Variants in CDS1 observed in about 807,000 individuals in gnomAD.
CDS1 encodes CDP-diacylglycerol synthase 1.
CDS1 carries 41 observed loss-of-function variants against 62.1 expected under a neutral mutation model. The ratio of observed to expected loss-of-function variants is 0.66; its 90% confidence interval spans 0.51 to 0.86. CDS1 has a LOEUF of 0.86. CDS1 is among the 40% of genes least tolerant of loss of function. CDS1 has a pLI of 0.00. For missense variants in CDS1, 470 were observed against 550.1 expected (o/e 0.85, Z 1.46); for synonymous variants, 185 against 192.6 (o/e 0.96, Z 0.32).
chr4:84,601,034 G>A (rs1159905347), intron 1 of CDS1, among the ~76,000 whole-genome samples: 2 of 151,904 alleles, frequency 1.3e-5, no homozygotes, highest in African/African-American at 2.4e-5. Flanking sequence ...TTAGCCAGGT[G>A]CGGTGGTGCA....
At chr4:84,622,992 A>T (rs1415213527) in intron 5 of CDS1, among the ~76,000 whole-genome samples, 1 of 152,130 alleles carries the variant, frequency 6.6e-6, no homozygotes, top group East Asian at 1.9e-4. Flanking sequence ...CATATTTGCT[A>T]ATTTCAGTGT....
At chr4:84,623,778 G>A (rs1016411996) in intron 5 of CDS1, among the ~76,000 whole-genome samples, 4 of 152,122 alleles carry the variant, frequency 2.6e-5, no homozygotes, top group East Asian at 1.9e-4. Context: ...GGCCTCTCAC[G>A]TGGTTGCCAT....
At chr4:84,587,049 A>C (rs1244418879) in intron 1 of CDS1, among the ~76,000 whole-genome samples, 1 of 152,194 alleles carries the variant, frequency 6.6e-6, no homozygotes, top group African/African-American at 2.4e-5. Flanking sequence ...CTTTTCCTTA[A>C]GAAAAGAAAG....
chr4:84,641,502 A>G (rs948998088), intron 10 of CDS1, among the ~76,000 whole-genome samples: 1 of 152,232 alleles, frequency 6.6e-6, no homozygotes, highest in Non-Finnish European at 1.5e-5. Context: ...CGGGTTACAA[A>G]TCAAATGGAT....
At chr4:84,611,742 A>G (rs1015257487) in intron 3 of CDS1, among the ~76,000 whole-genome samples, 11 of 152,222 alleles carry the variant, frequency 7.2e-5, no homozygotes, top group Non-Finnish European at 1.6e-4. Context: ...TCACAAAGGA[A>G]AAATGGATAA....
rs1308575402 is a variant in CDS1, at chr4:84,595,373, T to G, written c.118-8870T>G. Among the ~76,000 whole-genome samples, 3 of 152,258 alleles carry G rather than the reference T, an allele frequency of 2.0e-5. No homozygotes were observed. The East Asian group carries it at 5.8e-4, about 29-fold the overall frequency. ...GTTTGTTCAGTCAGCTGGGGGGGCTTGGGCTTTTATTTTTATTTCTCAATT... is the reference window on the plus strand; with the variant it reads ...GTTTGTTCAGTCAGCTGGGGGGGCTGGGGCTTTTATTTTTATTTCTCAATT... On this transcript the variant is annotated intron_variant, in intron 1 of 12. Coordinates refer to ENST00000295887, the MANE Select transcript of CDS1 (RefSeq NM_001263.4).
chr4:84,640,874 T>A lies in CDS1; in HGVS notation c.916T>A (p.Cys306Ser), dbSNP rs1170182188. 6.2e-7 allele frequency: 1 copy of A among 1,605,450 alleles called. No homozygotes were observed. Among genetic ancestry groups the A allele is most frequent in the Admixed American group, 1.7e-5 (1 of 58,046 alleles). Residue 306 changes from cysteine (C) to serine (S), a missense_variant, in exon 10 of 13, where the codon TGC becomes AGC. Cys to Ser is a moderately radical substitution (Grantham distance 112). This residue lies in a region of CDS1 where 214 missense variants were observed against 242.4 expected (regional missense o/e 0.88). Transcript: ENST00000295887. Reference protein sequence around the residue: ...YVLSKYQYFVCPVEYRSDVNS... With the variant: ...YVLSKYQYFVSPVEYRSDVNS... The stretch of plus-strand genomic sequence containing the variant: ...GTTATCCAAATACCAGTACTTTGTC[T>A]GCCCAGTGGAATACCGAAGTGATGT...
In CDS1 at chr4:84,635,288, T is replaced by TA. The variant is rs1203191011; in HGVS notation, c.748dup (p.Ile250AsnfsTer4). 6.3e-7 allele frequency: 1 copy of TA among 1,577,654 alleles called. No individual in the cohort carries two copies. The highest frequency in any genetic ancestry group is 8.6e-7 in the Non-Finnish European group (1 of 1,159,206). ...GGTTCCTTGTTCCAATATCAAGTGT[T>TA]ATCTGCAATGACATAACTGCTTACC... is the stretch of plus-strand genomic sequence containing the variant. On this transcript the variant is annotated frameshift_variant, in exon 8 of 13. Coordinates refer to ENST00000295887, the MANE Select transcript of CDS1 (RefSeq NM_001263.4). LOFTEE classifies it high-confidence loss of function.
chr4:84,597,517 T>C (rs1722787774), intron 1 of CDS1, among the ~76,000 whole-genome samples: 1 of 151,990 alleles, frequency 6.6e-6, no homozygotes, highest in South Asian at 2.1e-4. Flanking sequence ...GCCCCACCTG[T>C]AGTCCCAGCT....
chr4:84,637,380 A>G (rs1578051457), intron 8 of CDS1, among the ~76,000 whole-genome samples: 1 of 152,084 alleles, frequency 6.6e-6, no homozygotes, highest in Admixed American at 6.6e-5. Context: ...ATGGCTGGGG[A>G]GGCCTCAGGA....
chr4:84,632,564 ATTG>A (rs1724056658), intron 6 of CDS1, among the ~76,000 whole-genome samples: 2 of 152,128 alleles, frequency 1.3e-5, no homozygotes, highest in African/African-American at 4.8e-5. Flanking sequence ...TTGCTGGGAA[ATTG>A]TTGTGTTTCT....
intron 12 of CDS1, among the ~76,000 whole-genome samples, chr4:84,647,351 T>C (rs1724586492): frequency 6.6e-6 from 1 of 152,136 alleles, no homozygotes; most frequent in Non-Finnish European, 1.5e-5. Flanking sequence ...TTTAGGGCAT[T>C]AACTCATATG....
At position 84,640,861 on chromosome 4, in the gene CDS1, C is replaced by T. The variant is rs1724358959; in HGVS notation, c.903C>T (p.Tyr301=). 6.3e-7 allele frequency: 1 copy of T among 1,599,520 alleles called. No individual in the cohort carries two copies. The highest frequency in any genetic ancestry group is 1.3e-5 in the African/African-American group (1 of 74,144). The change falls in exon 10 of 13, where the codon TAC becomes TAT. Residue 301 remains tyrosine (Y), a synonymous_variant. Coordinates refer to ENST00000295887, the MANE Select transcript of CDS1 (RefSeq NM_001263.4). ...AGGCTGCCTATGTGTTATCCAAATACCAGTACTTTGTCTGCCCAGTGGAAT... is the reference window on the plus strand; with the variant it reads ...AGGCTGCCTATGTGTTATCCAAATATCAGTACTTTGTCTGCCCAGTGGAAT... ...GFIAAYVLSK[Y]QYFVCPVEYR... is the part of the protein sequence containing the mutation.
At chr4:84,595,343 A>G (rs1367859841) in intron 1 of CDS1, among the ~76,000 whole-genome samples, 2 of 152,130 alleles carry the variant, frequency 1.3e-5, no homozygotes, top group African/African-American at 4.8e-5. Flanking sequence ...TTTGGCCAAG[A>G]AGGGGTTTGT....
At chr4:84,590,184 A>G (rs1173524449) in intron 1 of CDS1, among the ~76,000 whole-genome samples, 6 of 152,216 alleles carry the variant, frequency 3.9e-5, no homozygotes, top group Admixed American at 2.0e-4. Context: ...TGGGGTTAGT[A>G]GATAAGCCAG....
intron 1 of CDS1, among the ~76,000 whole-genome samples, chr4:84,595,842 A>T (rs1027339350): frequency 2.0e-5 from 3 of 152,146 alleles, no homozygotes; most frequent in Admixed American, 2.0e-4. Flanking sequence ...CTTTATTCTT[A>T]ATTTGGAATT....
chr4:84,625,696 C>A (rs1323970778), intron 5 of CDS1, among the ~76,000 whole-genome samples: 1 of 151,800 alleles, frequency 6.6e-6, no homozygotes, highest in Non-Finnish European at 1.5e-5. Context: ...GACTTTATAT[C>A]TGGGAAAACA....
rs1321074726 is a variant in CDS1 at position 84,601,094 on chromosome 4, G to T, written c.118-3149G>T. On this transcript the variant is annotated intron_variant, in intron 1 of 12. Coordinates refer to ENST00000295887, the MANE Select transcript of CDS1 (RefSeq NM_001263.4). ...AGGCTGAGGTGGGAGGATGGCTTGAGCCCAGGAGTCTGAGGTTGCCATGAG... is the reference window on the plus strand; with the variant it reads ...AGGCTGAGGTGGGAGGATGGCTTGATCCCAGGAGTCTGAGGTTGCCATGAG... 2.7e-5 allele frequency among the ~76,000 whole-genome samples: 4 copies of T among 146,642 alleles called. No individual in the cohort carries two copies. In the South Asian group the frequency reaches 9.0e-4, roughly 33 times the overall value.
chr4:84,585,617 G>A (rs2110029254), intron 1 of CDS1, among the ~76,000 whole-genome samples: 1 of 152,306 alleles, frequency 6.6e-6, no homozygotes, highest in South Asian at 2.1e-4. Context: ...AAGAAGTGAA[G>A]GAGGTACATT....
Sources: allele counts gnomAD v4.1 joint callset (sites outside exome capture counted in the v4.1 genomes callset), GRCh38; gene constraint gnomAD v4.1.1; regional missense constraint gnomAD v4.1.1; transcripts MANE v1.5; gene names NCBI Gene and HGNC (gene_info 2026-07-23, HGNC 2026-07-21).